TRPM8: variants seen among roughly 807,000 people sequenced by gnomAD.
TRPM8 encodes the protein TRPM8 cationic channel.
TRPM8 carries 110 observed loss-of-function variants against 133.7 expected under a neutral mutation model. That is an observed-to-expected ratio of 0.82 (90% CI 0.70 to 0.96). The LOEUF (loss-of-function observed/expected upper bound fraction) is 0.96, where lower values mean the gene tolerates loss of function less well. Ranked by LOEUF, TRPM8 falls within the 40% of genes least tolerant of loss-of-function variation. The pLI, the probability that TRPM8 is intolerant of heterozygous loss-of-function variation, is 0.00. For missense variants in TRPM8, 1,291 were observed against 1,379.5 expected (o/e 0.94, Z 1.02); for synonymous variants, 535 against 532.3 (o/e 1.01, Z -0.07).
intron 5 of TRPM8, among the ~76,000 whole-genome samples, chr2:233,942,071 C>CTTTTT (rs796852025): frequency 6.0e-4 from 67 of 111,656 alleles, no homozygotes; most frequent in African/African-American, 1.8e-3. Flanking sequence ...GGTCAAGAAT[C>CTTTTT]TTTTTTTTTT....
intron 21 of TRPM8, among the ~76,000 whole-genome samples, chr2:233,994,722 G>A (rs911716680): frequency 6.6e-6 from 1 of 152,160 alleles, no homozygotes; most frequent in African/African-American, 2.4e-5. Flanking sequence ...TAAGTCTAAT[G>A]TAATGTACTA....
At chr2:234,008,801 C>T (rs902512080) in intron 24 of TRPM8, among the ~76,000 whole-genome samples, 1 of 152,108 alleles carries the variant, frequency 6.6e-6, no homozygotes, top group African/African-American at 2.4e-5. Flanking sequence ...CATAGTAGAG[C>T]CTTAATAAAT....
Position 233,937,655 on chromosome 2 carries a change from T to A in TRPM8, c.348+146T>A, listed in dbSNP as rs1574701374. ...AACGATTGCAGAAAAAGATACATCT[T>A]GTAAAAGCCAAAAAGCAGTTATTAG... On this transcript the variant is annotated intron_variant, in intron 4 of 25. Transcript: ENST00000324695. 3 of 995,010 alleles carry A rather than the reference T, an allele frequency of 3.0e-6. No individual in the cohort carries two copies. In the South Asian group the frequency reaches 4.9e-5, roughly 16 times the overall value. The allele number at this position is 995,010 out of a possible 1,614,324, so 61.6% of individuals were successfully genotyped here. A position where few individuals can be genotyped will look rare whatever the true frequency, so the allele number is the denominator to read the frequency against.
intron 4 of TRPM8, among the ~76,000 whole-genome samples, chr2:233,938,646 T>C (rs1167928704): frequency 1.3e-5 from 2 of 151,562 alleles, no homozygotes; most frequent in Non-Finnish European, 2.9e-5. Flanking sequence ...AGACAAATAG[T>C]AGCATTCTTT....
chr2:233,918,288 T>A (rs1691341786), intron 1 of TRPM8, among the ~76,000 whole-genome samples: 1 of 149,958 alleles, frequency 6.7e-6, no homozygotes, highest in Non-Finnish European at 1.5e-5. Context: ...TGTTTATTAT[T>A]ATTTATTAAT....
chr2:233,929,061 C>T (rs112260401), intron 2 of TRPM8, among the ~76,000 whole-genome samples: 1 of 149,874 alleles, frequency 6.7e-6, no homozygotes, highest in African/African-American at 2.5e-5. Flanking sequence ...GACGTGTAAC[C>T]ATTGTTGATT....
In TRPM8 at chr2:233,983,324, C is replaced by G. The variant is rs753124237; in HGVS notation, c.2761+100C>G. 3.0e-6 allele frequency: 4 copies of G among 1,339,524 alleles called. No individual in the cohort carries two copies. In the African/African-American group the frequency reaches 5.8e-5, roughly 19 times the overall value. 83.0% of individuals were successfully genotyped at this position (1,339,524 alleles called of 1,614,324 possible). Reference sequence around the variant, plus strand: ...CCGGAGACCGCACTTCAGAAGCACGCGCGTGAAACGGAGTCCAACATAACA... The same window carrying G: ...CCGGAGACCGCACTTCAGAAGCACGGGCGTGAAACGGAGTCCAACATAACA... On this transcript the variant is annotated intron_variant, in intron 20 of 25. Transcript: ENST00000324695.
chr2:233,993,815 A>T (rs1692340904), intron 21 of TRPM8, among the ~76,000 whole-genome samples: 1 of 152,160 alleles, frequency 6.6e-6, no homozygotes, highest in Admixed American at 6.5e-5. Flanking sequence ...TCTTTTCAAT[A>T]GGACTTATTG....
At chr2:233,950,482 A>C (rs946964585) in intron 9 of TRPM8, among the ~76,000 whole-genome samples, 1 of 152,266 alleles carries the variant, frequency 6.6e-6, no homozygotes, top group Admixed American at 6.5e-5. Flanking sequence ...AGAGATAAAC[A>C]TATCAGCCTT....
intron 9 of TRPM8, among the ~76,000 whole-genome samples, chr2:233,951,497 G>A (rs1484439903): frequency 2.6e-5 from 4 of 152,116 alleles, no homozygotes; most frequent in African/African-American, 9.7e-5. Context: ...GGCTTGCCAG[G>A]TCTTGACCAG....
intron 10 of TRPM8, among the ~76,000 whole-genome samples, chr2:233,954,617 T>C (rs1218449856): frequency 6.6e-6 from 1 of 152,206 alleles, no homozygotes; most frequent in Non-Finnish European, 1.5e-5. Context: ...ACGTTGGAAG[T>C]GCATTTAAAG....
At chr2:233,970,154 C>A in intron 16 of TRPM8, 56 bp from the exon 17 acceptor site, 1 of 1,448,758 alleles carries the variant, frequency 6.9e-7, no homozygotes. Flanking sequence ...GAGGGGAGGG[C>A]TGTGCCCGTC....
At chr2:233,987,273 A>G (rs995298211) in intron 21 of TRPM8, among the ~76,000 whole-genome samples, 2 of 152,256 alleles carry the variant, frequency 1.3e-5, no homozygotes, top group Non-Finnish European at 2.9e-5. Context: ...TTTTAAATAT[A>G]AAAAACAAAT....
chr2:233,946,579 G>T (rs1691048390), intron 7 of TRPM8, among the ~76,000 whole-genome samples: 1 of 152,208 alleles, frequency 6.6e-6, no homozygotes, highest in African/African-American at 2.4e-5. Context: ...GATGTGTCCT[G>T]CTGTGGAACA....
In TRPM8 at chr2:233,984,359, C is replaced by T. The variant is rs539216928; in HGVS notation, c.2761+1135C>T. Among the ~76,000 whole-genome samples the T allele has an allele frequency of 7.2e-5, 11 of 152,268 alleles. No homozygotes were observed. In the South Asian group the frequency reaches 8.3e-4, roughly 11 times the overall value. ...GCCCCCTCCTCTGAGATTTCTCAGA[C>T]GCACCTTGGCACATCCTAATAAAAG... On this transcript the variant is annotated intron_variant, in intron 20 of 25. Transcript: ENST00000324695.
intron 8 of TRPM8, among the ~76,000 whole-genome samples, chr2:233,949,094 T>C (rs894530493): frequency 2.6e-5 from 4 of 152,288 alleles, no homozygotes; most frequent in Admixed American, 2.6e-4. Flanking sequence ...CATCCCTTCC[T>C]GGTTTAACTC....
chr2:234,016,672 AT>A (rs1242648185), intron 25 of TRPM8, among the ~76,000 whole-genome samples: 2 of 152,008 alleles, frequency 1.3e-5, no homozygotes, highest in East Asian at 1.9e-4. Flanking sequence ...ATAATTGTCT[AT>A]TTTTTTTCCT....
chr2:233,967,122 A>G (rs1691596177), intron 15 of TRPM8, among the ~76,000 whole-genome samples: 1 of 152,250 alleles, frequency 6.6e-6, no homozygotes, highest in South Asian at 2.1e-4. Flanking sequence ...CTCATCTACA[A>G]AATGGGGATA....
chr2:233,974,443 A>C (rs1026726990), intron 17 of TRPM8, among the ~76,000 whole-genome samples: 26 of 152,164 alleles, frequency 1.7e-4, no homozygotes, highest in Non-Finnish European at 3.8e-4. Flanking sequence ...CATGTTGGCC[A>C]GGATGGTCTC....
Sources: allele counts gnomAD v4.1 joint callset (sites outside exome capture counted in the v4.1 genomes callset), GRCh38; gene constraint gnomAD v4.1.1; transcripts MANE v1.5; gene names NCBI Gene and HGNC (gene_info 2026-07-23, HGNC 2026-07-21).